SPTB: variants seen among roughly 807,000 people sequenced by gnomAD.
SPTB encodes spectrin beta, erythrocytic, also known as spectrin beta chain, erythrocytic.
SPTB carries 45 observed loss-of-function variants against 256.2 expected under a neutral mutation model. The ratio of observed to expected loss-of-function variants is 0.18; its 90% CI spans 0.14 to 0.23. SPTB has a LOEUF of 0.23. Among genes scored for constraint, SPTB ranks in the 10% least tolerant of loss-of-function variants. The pLI is 1.00. For missense variants in SPTB, 2,715 were observed against 3,040.4 expected, an observed-to-expected ratio of 0.89 and a Z score of 2.52; for synonymous variants, 1,231 against 1,243.1, an observed-to-expected ratio of 0.99 and a Z score of 0.21.
chr14:64,760,669 G>A lies in SPTB; in HGVS notation c.6345+6057C>T, dbSNP rs745306703. Among the ~76,000 whole-genome samples the A allele has an allele frequency of 6.6e-6, 1 of 152,180 alleles. No individual in the cohort carries two copies. The highest frequency in any genetic ancestry group is 1.5e-5 in the Non-Finnish European group (1 of 68,028). The stretch of plus-strand genomic sequence containing the variant: ...TAAGAGATGAAGGACTGAGGTGGGG[G>A]ATGGAGAAAAATGAAGGGACTTAAA... On this transcript the variant is annotated intron_variant, in intron 32 of 35. Coordinates refer to ENST00000644917, the MANE Select transcript of SPTB (RefSeq NM_001355436.2). The surrounding 1 kb of genome is among the most constrained non-coding windows in gnomAD (Gnocchi z 4.3).
intron 1 of SPTB, among the ~76,000 whole-genome samples, chr14:64,843,521 T>G (rs1363881544): frequency 6.6e-6 from 1 of 152,198 alleles, no homozygotes; most frequent in Admixed American, 6.5e-5. Context: ...ACTCTCTCAT[T>G]TTCACTTGGT....
intron 1 of SPTB, among the ~76,000 whole-genome samples, chr14:64,867,482 A>C (rs574360400): frequency 6.6e-6 from 1 of 152,358 alleles, no homozygotes; most frequent in South Asian, 2.1e-4. Flanking sequence ...CTGGGGTCAC[A>C]GAAGAGGGAA....
chr14:64,800,782 C>G lies in SPTB; in HGVS notation c.850G>C (p.Ala284Pro). 6.2e-7 allele frequency: 1 copy of G among 1,614,244 alleles called. No homozygotes were observed. Among genetic ancestry groups the G allele is most frequent in the Non-Finnish European group, 8.5e-7 (1 of 1,180,046 alleles). Residue 284 changes from alanine to proline, a missense_variant, in exon 8 of 36, where the codon GCA becomes CCA. Transcript: ENST00000644917. ...YHYFSKMKVL[A>P]VEGKRVGKVI... The stretch of plus-strand genomic sequence containing the variant: ...TTGCCGACACGCTTGCCCTCCACTG[C>G]CAGCACCTTCATCTTGGAGAAGTAG...
rs1376822406 is a variant in SPTB, at chr14:64,801,854, T to C, written c.567-20A>G. The C allele has an allele frequency of 6.2e-7, 1 of 1,608,618 alleles. No homozygotes were observed. Among genetic ancestry groups the C allele is most frequent in the South Asian group, 1.1e-5 (1 of 90,988 alleles). The stretch of plus-strand genomic sequence containing the variant: ...GGGTAGCTGCATCCAAGAGAAACAG[T>C]AAGAGCTAAGAATTAGATTTTTTGT... On this transcript the variant is annotated intron_variant, in intron 5 of 35. Coordinates refer to ENST00000644917, the MANE Select transcript of SPTB (RefSeq NM_001355436.2).
chr14:64,864,918 C>G lies in SPTB; in HGVS notation c.-52+14874G>C, dbSNP rs186528272. ...GTTTCACTCAAGAGTCCTGCACTGA[C>G]TATGCAAGCTCATGCCAATAACTCC... On this transcript the variant is annotated intron_variant, in intron 1 of 35. Transcript: ENST00000644917. Among the ~76,000 whole-genome samples the G allele has an allele frequency of 1.0e-3, 152 of 152,280 alleles. 1 individual carries two copies. Among genetic ancestry groups the G allele is most frequent in the Admixed American group, 1.5e-3 (23 of 15,306 alleles).
intron 29 of SPTB, 27 bp from the exon 30 acceptor site, chr14:64,767,886 C>T: frequency 2.5e-6 from 4 of 1,611,604 alleles, no homozygotes; most frequent in Non-Finnish European, 3.4e-6. Flanking sequence ...GACACAGACC[C>T]CCCACAAGGC....
chr14:64,773,513 C>G, intron 24 of SPTB, 89 bp from the exon 25 acceptor site: 1 of 1,369,016 alleles, frequency 7.3e-7, no homozygotes, highest in South Asian at 1.2e-5. Flanking sequence ...CCAACCACAG[C>G]CCCCTGGCAG....
intron 1 of SPTB, among the ~76,000 whole-genome samples, chr14:64,876,717 G>C (rs1382101138): frequency 6.6e-6 from 1 of 152,192 alleles, no homozygotes. Flanking sequence ...GCCTGAGACT[G>C]CCTTCTCTCC....
At position 64,792,131 on chromosome 14, in the gene SPTB, G is replaced by A. The variant is rs2082685816; in HGVS notation, c.2667-275C>T. 6.6e-6 allele frequency among the ~76,000 whole-genome samples: 1 copy of A among 152,220 alleles called. No homozygotes were observed. The highest frequency in any genetic ancestry group is 2.4e-5 in the African/African-American group (1 of 41,440). On this transcript the variant is annotated intron_variant, in intron 14 of 35. Transcript: ENST00000644917. This position sits in a 1 kb window ranked among gnomAD's most constrained non-coding sequence, Gnocchi z 4.2. ...TCTGGCTCAAGAGAGACATATGAAG[G>A]GGAGGGAGGGCTGAAGAGAGGTTAC...
intron 33 of SPTB, among the ~76,000 whole-genome samples, chr14:64,753,183 GATA>G (rs1441502992): frequency 1.3e-5 from 2 of 152,174 alleles, no homozygotes; most frequent in African/African-American, 2.4e-5. Flanking sequence ...GGGATAATAG[GATA>G]ATAACAGCTA....
intron 1 of SPTB, among the ~76,000 whole-genome samples, chr14:64,878,730 C>G (rs974980473): frequency 6.6e-6 from 1 of 152,140 alleles, no homozygotes; most frequent in African/African-American, 2.4e-5. Flanking sequence ...ACAGCCTAGT[C>G]TCTCCCCACA....
chr14:64,779,165 T>G lies in SPTB; in HGVS notation c.4555A>C (p.Lys1519Gln), dbSNP rs200187680. ...GGTGACGCAGGACTCACCTGGTTCT[T>G]CTTCATGAACAGTTGCACAGTTTGC... ...NLQTVQLFMK[K>Q]NQTLQNEILG... is the part of the protein sequence containing the mutation. Residue 1519 changes from lysine to glutamine, a missense_variant, in exon 22 of 36, where the codon AAG (lysine) becomes CAG (glutamine). Transcript: ENST00000644917. The surrounding 1 kb of genome is among the most constrained non-coding windows in gnomAD (Gnocchi z 4.2). 121 of 1,613,880 alleles carry G rather than the reference T, an allele frequency of 7.5e-5. 1 individual carries two copies. In the East Asian group the frequency reaches 2.0e-3, roughly 27 times the overall value.
At chr14:64,766,178 GTGTGTA>G (rs1594751978) in intron 32 of SPTB, among the ~76,000 whole-genome samples, 1 of 150,716 alleles carries the variant, frequency 6.6e-6, no homozygotes. Context: ...GTGTATGTGT[GTGTGTA>G]TGTGTATGTG....
rs774029248 is a variant in SPTB at position 64,785,825 on chromosome 14, A to G, written c.3688T>C (p.Ser1230Pro). Reference protein sequence around the residue: ...NRDKVLSPVDSGNKLVAEGNL... With the variant: ...NRDKVLSPVDPGNKLVAEGNL... ...CCCTCAGCTACCAGCTTGTTTCCAG[A>G]GTCCACAGGACTCAAGACCTTATCC... Residue 1230 changes from serine to proline, a missense_variant, in exon 17 of 36, where the codon TCT (serine) becomes CCT (proline). This residue lies in a region of SPTB where 2,239 missense variants were observed against 2,384.4 expected (regional missense o/e 0.94). Coordinates refer to ENST00000644917, the MANE Select transcript of SPTB (RefSeq NM_001355436.2). The surrounding 1 kb of genome is among the most constrained non-coding windows in gnomAD (Gnocchi z 4.4). 5 of 1,613,972 alleles carry G rather than the reference A, an allele frequency of 3.1e-6. No individual in the cohort carries two copies. The highest frequency in any genetic ancestry group is 2.2e-5 in the East Asian group (1 of 44,882).
In SPTB at chr14:64,774,513, G is replaced by T. The variant is rs1351931510; in HGVS notation, c.4857C>A (p.Ala1619=). 2 of 1,553,754 alleles carry T rather than the reference G, an allele frequency of 1.3e-6. No individual in the cohort carries two copies. The highest frequency in any genetic ancestry group is 3.9e-5 in the Admixed American group (2 of 51,370). ...SDEIPKDEEG[A]IVMLKRHLRQ... is the part of the protein sequence containing the mutation. ...GCAAATGTCGCTTCAGCATCACAATGGCGCCCTCTTCATCCTAGGAGGCAG... is the reference window on the plus strand; with the variant it reads ...GCAAATGTCGCTTCAGCATCACAATTGCGCCCTCTTCATCCTAGGAGGCAG... The change falls in exon 24 of 36, where the codon GCC becomes GCA. Residue 1619 remains alanine (A), a synonymous_variant. Coordinates refer to ENST00000644917, the MANE Select transcript of SPTB (RefSeq NM_001355436.2).
intron 3 of SPTB, 66 bp from the exon 4 acceptor site, chr14:64,803,846 T>C (rs1239333470): frequency 6.6e-7 from 1 of 1,525,952 alleles, no homozygotes; most frequent in African/African-American, 1.4e-5. Flanking sequence ...GGCTGCAGCG[T>C]GGACCAGCTC....
chr14:64,811,881 G>A (rs749797595), intron 2 of SPTB, among the ~76,000 whole-genome samples: 1 of 152,102 alleles, frequency 6.6e-6, no homozygotes, highest in Admixed American at 6.6e-5. Flanking sequence ...TGCTGGAAAG[G>A]GTATAACTGG....
chr14:64,803,914 C>T, intron 3 of SPTB, 134 bp from the exon 4 acceptor site: 2 of 897,454 alleles, frequency 2.2e-6, no homozygotes, highest in Non-Finnish European at 3.4e-6. Flanking sequence ...CATGGTCATT[C>T]ATTGACACTA....
At chr14:64,765,349 T>G (rs1357795309) in intron 32 of SPTB, among the ~76,000 whole-genome samples, 2 of 151,960 alleles carry the variant, frequency 1.3e-5, no homozygotes, top group Admixed American at 1.3e-4. Flanking sequence ...AATTCTTGCT[T>G]TCTTCTCGGT....
Sources: allele counts gnomAD v4.1 joint callset (sites outside exome capture counted in the v4.1 genomes callset), GRCh38; gene constraint gnomAD v4.1.1; regional missense constraint gnomAD v4.1.1; non-coding constraint Gnocchi (gnomAD v3.1); transcripts MANE v1.5; gene names NCBI Gene and HGNC (gene_info 2026-07-23, HGNC 2026-07-21).